Variants in HEATR4 observed in about 807,000 individuals in gnomAD.
HEATR4 encodes the protein HEAT repeat containing 4.
Under a neutral mutation model 108.8 loss-of-function variants are expected in HEATR4, and 95 were observed. The ratio of observed to expected loss-of-function variants is 0.87; its 90% CI spans 0.74 to 1.04. The LOEUF is 1.04. HEATR4 is among the 50% of genes least tolerant of loss of function. The pLI is 0.00. For synonymous variants in HEATR4, 443 were observed against 459.4 expected (o/e 0.96, Z 0.46); for missense variants, 1,152 against 1,253.8 (o/e 0.92, Z 1.23).
chr14:73,570,834 G>A, the HEATR4 span, among the ~76,000 whole-genome samples: 50 of 150,850 alleles, frequency 3.3e-4, 1 homozygote, highest in Non-Finnish European at 6.5e-4. Context: ...GAACCCGGGA[G>A]GCAGAGGTTG....
At chr14:73,491,741 T>G in intron 17 of HEATR4, 1 of 1,555,382 alleles carries the variant, frequency 6.4e-7, no homozygotes, top group Non-Finnish European at 8.7e-7. Context: ...CCAGGGACTT[T>G]TCTCTACCGC....
In HEATR4 at chr14:73,508,224, A is replaced by T; in HGVS notation, c.1791T>A (p.Ile597=). 6.2e-7 allele frequency: 1 copy of T among 1,613,954 alleles called. No homozygotes were observed. The highest frequency in any genetic ancestry group is 1.7e-5 in the Admixed American group (1 of 60,006). Residue 597 remains isoleucine, a synonymous_variant, in exon 9 of 18, where the codon ATT becomes ATA. Coordinates refer to ENST00000553558, the MANE Select transcript of HEATR4 (RefSeq NM_001220484.1). The part of the protein sequence containing the change: ...ALEGTATYPV[I]KRILHQLFTK... The stretch of plus-strand genomic sequence containing the variant: ...TAAACAGCTGGTGGAGGATCCTCTT[A>T]ATCACAGGGTAAGTAGCAGTACCTT...
At chr14:73,619,277 G>A in the HEATR4 span, 1 of 1,606,336 alleles carries the variant, frequency 6.2e-7, no homozygotes, top group Non-Finnish European at 8.5e-7. Flanking sequence ...TCCAAAGGAG[G>A]TGACCTGTGT....
Position 73,506,545 on chromosome 14 carries a change from C to T in HEATR4, c.1908G>A (p.Val636=). 6.2e-7 allele frequency: 1 copy of T among 1,613,660 alleles called. No individual in the cohort carries two copies. Among genetic ancestry groups the T allele is most frequent in the African/African-American group, 1.3e-5 (1 of 75,044 alleles). Residue 636 remains valine, a synonymous_variant, in exon 10 of 18, where the codon GTG becomes GTA. Transcript: ENST00000553558. ...TCTTCCATTGACAGCTGTTCAGCTC[C>T]ACAGCAAGCATGGTGTGTATCAGGG... ...KTTLIHTMLA[V]ELNSCQWKNR...
chr14:73,576,306 T>C, the HEATR4 span, among the ~76,000 whole-genome samples: 1 of 152,014 alleles, frequency 6.6e-6, no homozygotes, highest in Non-Finnish European at 1.5e-5. Context: ...TAGTTAGATA[T>C]AAAACTACTA....
intron 1 of HEATR4, among the ~76,000 whole-genome samples, chr14:73,546,105 C>T (rs1192738899): frequency 8.9e-6 from 1 of 112,376 alleles, no homozygotes; most frequent in African/African-American, 2.9e-5. Context: ...CCTCAGCCTC[C>T]CAAGTAGCTG....
In HEATR4 at chr14:73,522,818, CG is replaced by C; in HGVS notation, c.334del (p.Arg112GlyfsTer17). ...CTTGAAGCTAACAGGTTTCTGAGGC[CG>C]GGCCTTCCTGATCTGGGGAGTATGG... ...IIHTPQIRKA[R>X]PQKPVSFKFL... On this transcript the variant is annotated frameshift_variant, in exon 3 of 18. Transcript: ENST00000553558. LOFTEE classifies it high-confidence loss of function. The C allele has an allele frequency of 6.2e-7, 1 of 1,614,126 alleles. No individual in the cohort carries two copies. Among genetic ancestry groups the C allele is most frequent in the Non-Finnish European group, 8.5e-7 (1 of 1,180,018 alleles).
At chr14:73,590,581 G>A in the HEATR4 span, among the ~76,000 whole-genome samples, 1 of 152,192 alleles carries the variant, frequency 6.6e-6, no homozygotes, top group Non-Finnish European at 1.5e-5. Context: ...CGGCGGGGGC[G>A]GGGGCTCAGG....
At position 73,502,935 on chromosome 14, in the gene HEATR4, C is replaced by T; in HGVS notation, c.2065G>A (p.Gly689Arg). 2 of 1,614,072 alleles carry T rather than the reference C, an allele frequency of 1.2e-6. No homozygotes were observed. Among genetic ancestry groups the T allele is most frequent in the Non-Finnish European group, 1.7e-6 (2 of 1,180,016 alleles). Residue 689 changes from glycine to arginine, a missense_variant, in exon 11 of 18, where the codon GGG becomes AGG. Gly to Arg is a moderately radical substitution (Grantham distance 125). Coordinates refer to ENST00000553558, the MANE Select transcript of HEATR4 (RefSeq NM_001220484.1). ...ACCTCTTTCCCGAGGCTCATTTGCC[C>T]AAGCGCCTGTGCAGCTGCTCTCCTC... ...EVRRAAAQAL[G>R]QMSLGKEVHD...
the HEATR4 span, among the ~76,000 whole-genome samples, chr14:73,565,066 A>G: frequency 1.3e-5 from 2 of 152,018 alleles, no homozygotes. Context: ...AACCAAATTC[A>G]TATTGCTCAC....
the HEATR4 span, chr14:73,593,741 T>C: frequency 6.2e-7 from 1 of 1,613,676 alleles, no homozygotes; most frequent in Non-Finnish European, 8.5e-7. Context: ...ATCTTTGGTA[T>C]TGGAGGGGGC....
chr14:73,593,947 T>C, the HEATR4 span: 1 of 1,541,688 alleles, frequency 6.5e-7, no homozygotes, highest in Non-Finnish European at 8.9e-7. Context: ...TCTAGAAATA[T>C]TTCCATAGAG....
chr14:73,613,336 G>A, the HEATR4 span, among the ~76,000 whole-genome samples: 1 of 152,186 alleles, frequency 6.6e-6, no homozygotes, highest in African/African-American at 2.4e-5. Flanking sequence ...GCTATGTGCT[G>A]AATAGTGCAT....
chr14:73,585,273 G>A, the HEATR4 span, among the ~76,000 whole-genome samples: 2 of 152,168 alleles, frequency 1.3e-5, no homozygotes, highest in Admixed American at 6.6e-5. Flanking sequence ...AAGGTCACAG[G>A]TCAGCACCAG....
intron 17 of HEATR4, chr14:73,491,939 G>A: frequency 1.2e-6 from 2 of 1,613,808 alleles, no homozygotes; most frequent in Admixed American, 1.7e-5. Context: ...CTCTACTACT[G>A]TGTGGCAGTT....
At chr14:73,569,536 C>T in the HEATR4 span, 1 of 1,606,182 alleles carries the variant, frequency 6.2e-7, no homozygotes, top group Non-Finnish European at 8.5e-7. Flanking sequence ...CTGCGCGCGT[C>T]CCTGCGCGAC....
chr14:73,579,748 C>T, the HEATR4 span, among the ~76,000 whole-genome samples: 2 of 151,866 alleles, frequency 1.3e-5, no homozygotes, highest in Admixed American at 6.6e-5. Context: ...GGAACCACTA[C>T]GTAAACAATA....
chr14:73,612,917 C>G, the HEATR4 span: 2 of 1,353,650 alleles, frequency 1.5e-6, no homozygotes, highest in Middle Eastern at 2.6e-4. Flanking sequence ...CGACACCGAG[C>G]CCGGGCGGCT....
At chr14:73,592,755 A>G in the HEATR4 span, among the ~76,000 whole-genome samples, 1 of 152,198 alleles carries the variant, frequency 6.6e-6, no homozygotes, top group African/African-American at 2.4e-5. Context: ...CGGGAGGCTG[A>G]GGCACGAGAA....
Sources: allele counts gnomAD v4.1 joint callset (sites outside exome capture counted in the v4.1 genomes callset), GRCh38; gene constraint gnomAD v4.1.1; transcripts MANE v1.5; gene names NCBI Gene and HGNC (gene_info 2026-07-23, HGNC 2026-07-21).